Variants in PCDH9 observed in about 807,000 individuals in gnomAD.
The protein encoded by PCDH9 is protocadherin-9.
PCDH9 carries 24 observed loss-of-function variants against 70.6 expected under a neutral mutation model. The observed-to-expected ratio is 0.34, with a 90% CI of 0.25 to 0.48. The LOEUF is 0.48. PCDH9 is among the 20% of genes least tolerant of loss of function. The pLI is 0.99. For missense variants in PCDH9, 1,281 were observed against 1,503.6 expected, an observed-to-expected ratio of 0.85 and a Z score of 2.45; for synonymous variants, 562 against 558.5, an observed-to-expected ratio of 1.01 and a Z score of -0.09.
chr13:67,149,719 A>C (rs528522301), intron 2 of PCDH9, among the ~76,000 whole-genome samples: 161 of 152,234 alleles, frequency 1.1e-3, no homozygotes, highest in South Asian at 2.3e-3. Context: ...ATAAAAAAAA[A>C]CCCTAAGATT....
chr13:66,340,986 A>G (rs1292253822), intron 4 of PCDH9, among the ~76,000 whole-genome samples: 1 of 152,222 alleles, frequency 6.6e-6, no homozygotes, highest in Non-Finnish European at 1.5e-5. Context: ...CTTACATAAA[A>G]GTCAGACACT....
chr13:66,874,894 A>G (rs1428016137), intron 3 of PCDH9, among the ~76,000 whole-genome samples: 1 of 148,776 alleles, frequency 6.7e-6, no homozygotes, highest in African/African-American at 2.5e-5. Flanking sequence ...CAGATAATAT[A>G]TTGTGTGTAC....
At chr13:67,078,595 T>C (rs534656069) in intron 2 of PCDH9, among the ~76,000 whole-genome samples, 20 of 152,234 alleles carry the variant, frequency 1.3e-4, no homozygotes, top group Non-Finnish European at 2.6e-4. Context: ...TAAGCTCAAA[T>C]CCCAAATGTG....
intron 4 of PCDH9, among the ~76,000 whole-genome samples, chr13:66,380,495 C>A: frequency 6.9e-6 from 1 of 144,702 alleles, no homozygotes; most frequent in African/African-American, 2.6e-5. Context: ...GTAGATTACA[C>A]ATAATGCCGG....
chr13:66,963,292 C>G (rs2083378757), intron 2 of PCDH9, among the ~76,000 whole-genome samples: 1 of 152,114 alleles, frequency 6.6e-6, no homozygotes, highest in Non-Finnish European at 1.5e-5. Context: ...TATAACAGAT[C>G]ACTGAAAAAT....
At chr13:66,902,607 C>A (rs567865887) in intron 3 of PCDH9, among the ~76,000 whole-genome samples, 88 of 151,674 alleles carry the variant, frequency 5.8e-4, no homozygotes, top group African/African-American at 2.0e-3. Context: ...CATTACCTCT[C>A]TTTCTACAGT....
At chr13:66,701,857 T>C (rs1005846948) in intron 3 of PCDH9, among the ~76,000 whole-genome samples, 2 of 152,322 alleles carry the variant, frequency 1.3e-5, no homozygotes, top group Middle Eastern at 3.4e-3. Flanking sequence ...TACATTATTC[T>C]CACTTAATCC....
At chr13:67,152,109 G>C (rs558924643) in intron 2 of PCDH9, among the ~76,000 whole-genome samples, 3 of 152,158 alleles carry the variant, frequency 2.0e-5, no homozygotes, top group Non-Finnish European at 4.4e-5. Context: ...TGTCCTATTT[G>C]TTCCAAGAAT....
At chr13:66,479,832 C>T (rs991145414) in intron 4 of PCDH9, among the ~76,000 whole-genome samples, 2 of 152,132 alleles carry the variant, frequency 1.3e-5, no homozygotes, top group Non-Finnish European at 2.9e-5. Context: ...TAAAATGGAC[C>T]AATCAGTGCT....
At chr13:66,389,432 T>A (rs1172104547) in intron 4 of PCDH9, among the ~76,000 whole-genome samples, 1 of 152,116 alleles carries the variant, frequency 6.6e-6, no homozygotes, top group Non-Finnish European at 1.5e-5. Context: ...AAGTTCTGAG[T>A]CAGGAATAAG....
chr13:66,440,145 G>A (rs913931188), intron 4 of PCDH9, among the ~76,000 whole-genome samples: 3 of 152,108 alleles, frequency 2.0e-5, no homozygotes, highest in Admixed American at 6.6e-5. Context: ...TGTCTACTTC[G>A]ATGAGAAGTC....
intron 3 of PCDH9, among the ~76,000 whole-genome samples, chr13:66,661,311 A>G (rs530440379): frequency 1.3e-5 from 2 of 152,278 alleles, no homozygotes; most frequent in African/African-American, 4.8e-5. Context: ...TAGGAGGATG[A>G]GTGTCCTTCA....
At chr13:66,309,292 G>T (rs1010573793) in intron 4 of PCDH9, among the ~76,000 whole-genome samples, 4 of 151,838 alleles carry the variant, frequency 2.6e-5, no homozygotes, top group African/African-American at 4.8e-5. Flanking sequence ...TCATAAATTG[G>T]TAAAAAGAAA....
chr13:66,974,930 A>T (rs981606659), intron 2 of PCDH9, among the ~76,000 whole-genome samples: 5 of 152,066 alleles, frequency 3.3e-5, no homozygotes, highest in African/African-American at 1.2e-4. Context: ...AGACAGTTTT[A>T]ACCACATAGT....
intron 2 of PCDH9, among the ~76,000 whole-genome samples, chr13:67,045,165 C>T (rs544675484): frequency 1.3e-5 from 2 of 152,188 alleles, no homozygotes; most frequent in African/African-American, 2.4e-5. Context: ...AGGAACACAA[C>T]CCTTTACCCA....
At chr13:67,122,522 C>G (rs558336982) in intron 2 of PCDH9, among the ~76,000 whole-genome samples, 2 of 151,944 alleles carry the variant, frequency 1.3e-5, no homozygotes, top group East Asian at 3.9e-4. Context: ...CACCTGCAAT[C>G]CCAGCACTTT....
chr13:67,113,491 CT>C (rs896613263), intron 2 of PCDH9, among the ~76,000 whole-genome samples: 86 of 152,118 alleles, frequency 5.7e-4, no homozygotes, highest in African/African-American at 2.0e-3. Context: ...TTAATAATTA[CT>C]TTTTTTCCCA....
intron 2 of PCDH9, among the ~76,000 whole-genome samples, chr13:67,140,799 G>A (rs1417477627): frequency 6.6e-6 from 1 of 152,106 alleles, no homozygotes; most frequent in African/African-American, 2.4e-5. Context: ...GCCACTATGA[G>A]CCATGTGCAG....
At chr13:66,866,654 G>A (rs1366537092) in intron 3 of PCDH9, among the ~76,000 whole-genome samples, 2 of 151,818 alleles carry the variant, frequency 1.3e-5, no homozygotes, top group East Asian at 3.9e-4. Flanking sequence ...AAAATTAGCC[G>A]GCCGTGGTGG....
Sources: allele counts gnomAD v4.1 joint callset (sites outside exome capture counted in the v4.1 genomes callset), GRCh38; gene constraint gnomAD v4.1.1; transcripts MANE v1.5; gene names NCBI Gene and HGNC (gene_info 2026-07-23, HGNC 2026-07-21).